SDK2: variants seen among roughly 807,000 people sequenced by gnomAD.
SDK2 encodes the protein protein sidekick-2.
Under a neutral mutation model 253.9 loss-of-function variants are expected in SDK2, and 105 were observed. The observed-to-expected ratio is 0.41, with a 90% CI of 0.35 to 0.49. The LOEUF (loss-of-function observed/expected upper bound fraction) is 0.49, where lower values mean the gene tolerates loss of function less well. Ranked by LOEUF, SDK2 falls within the 20% of genes least tolerant of loss-of-function variation. SDK2 has a pLI of 0.06. For synonymous variants in SDK2, 1,249 were observed against 1,234.9 expected, an observed-to-expected ratio of 1.01 and a Z score of -0.24; for missense variants, 2,608 against 3,003.0, an observed-to-expected ratio of 0.87 and a Z score of 3.07.
chr17:73,485,016 A>C (rs2063761072), intron 2 of SDK2, among the ~76,000 whole-genome samples: 1 of 152,088 alleles, frequency 6.6e-6, no homozygotes, highest in African/African-American at 2.4e-5. Context: ...GTCTAGTATG[A>C]CCTCAGCTGA....
chr17:73,391,577 T>G, intron 27 of SDK2, 39 bp from the exon 28 acceptor site: 1 of 1,156,296 alleles, frequency 8.6e-7, no homozygotes, highest in Middle Eastern at 2.4e-4. Flanking sequence ...CCCATGAGGC[T>G]GCCGCTCAGC....
chr17:73,338,289 C>T lies in SDK2; in HGVS notation c.*298G>A, dbSNP rs916339988. On this transcript the variant is annotated 3_prime_UTR_variant, in exon 45 of 45. Transcript: ENST00000392650. This position sits in a 1 kb window ranked among gnomAD's most constrained non-coding sequence, Gnocchi z 5.0. Reference sequence around the variant, plus strand: ...TCCCTCTCTCTCTCCAGATGCCCGCCCCACTCCGTGTCCATAGCAGTGACA... The same window carrying T: ...TCCCTCTCTCTCTCCAGATGCCCGCTCCACTCCGTGTCCATAGCAGTGACA... 7.2e-6 allele frequency: 4 copies of T among 555,572 alleles called. No homozygotes were observed. Among genetic ancestry groups the T allele is most frequent in the Non-Finnish European group, 1.4e-5 (4 of 292,532 alleles). The allele number at this position is 555,572 out of a possible 1,614,324, so 34.4% of individuals were successfully genotyped here.
rs750021124 is a variant in SDK2 at position 73,415,936 on chromosome 17, T to C, written c.2243A>G (p.Asp748Gly). 2.5e-6 allele frequency: 4 copies of C among 1,611,328 alleles called. No individual in the cohort carries two copies. In the African/African-American group the frequency reaches 5.3e-5, roughly 22 times the overall value. ...ATCCTCCAGCAGCAGGTTGTTCACATCAGCATCCGTGATGTTCTTAAACTG... is the reference window on the plus strand; with the variant it reads ...ATCCTCCAGCAGCAGGTTGTTCACACCAGCATCCGTGATGTTCTTAAACTG... ...GYQFKNITDADVNNLLLEDLI... is the reference protein window; with the variant it reads ...GYQFKNITDAGVNNLLLEDLI... Residue 748 changes from aspartate to glycine, a missense_variant, in exon 17 of 45, where the codon GAT (aspartate) becomes GGT (glycine). Asp to Gly is a moderately conservative substitution (Grantham distance 94, BLOSUM62 -1). Around this residue, in one of 2 missense-constraint regions of SDK2, gnomAD observed 1,505 missense variants for 1,859.1 expected, o/e 0.81. Transcript: ENST00000392650.
At chr17:73,390,908 C>G (rs771662979) in intron 28 of SDK2, among the ~76,000 whole-genome samples, 1 of 152,170 alleles carries the variant, frequency 6.6e-6, no homozygotes, top group African/African-American at 2.4e-5. Flanking sequence ...GACTGAGAAC[C>G]CTGGGACAGG....
chr17:73,568,888 T>C (rs35113413), intron 1 of SDK2, among the ~76,000 whole-genome samples: 18,131 of 152,178 alleles, frequency 0.12, 1,210 homozygotes, highest in South Asian at 0.18. Context: ...TCATGTACTT[T>C]TGTGATACAT....
chr17:73,437,882 G>C (rs2145624941), intron 7 of SDK2, 60 bp from the exon 8 acceptor site: 1 of 1,608,036 alleles, frequency 6.2e-7, no homozygotes, highest in East Asian at 2.2e-5. Context: ...TCCAGCCACT[G>C]TAGGGGGTCA....
chr17:73,399,342 T>C (rs2063002003), intron 21 of SDK2, 53 bp from the exon 22 acceptor site: 2 of 1,605,728 alleles, frequency 1.2e-6, no homozygotes, highest in East Asian at 2.2e-5. Flanking sequence ...TGGCCCCCCA[T>C]GTTGAACGGG....
Position 73,387,943 on chromosome 17 carries a change from G to T in SDK2, c.4287C>A (p.Leu1429=). ...LLSWEPGSDG[L]SPVRYYTIQT... ...GGATGGTGTAGTAGCGCACAGGGGA[G>T]AGCCCGTCGCTCCCTGGCTCCCAGG... The change falls in exon 30 of 45, where the codon CTC becomes CTA. Residue 1429 remains leucine (L), a synonymous_variant. Transcript: ENST00000392650. The T allele has an allele frequency of 6.3e-7, 1 of 1,580,438 alleles. No homozygotes were observed. Among genetic ancestry groups the T allele is most frequent in the Non-Finnish European group, 8.6e-7 (1 of 1,164,044 alleles).
rs771983427 is a variant in SDK2, at chr17:73,386,563, C to G, written c.4395-15G>C. ...AGGGCTTCAGCCTGTAGGGAGAAAT[C>G]AGGGCCAATGAGCCAAGGTGCTCCT... On this transcript the variant is annotated splice_polypyrimidine_tract_variant and intron_variant, in intron 30 of 44. Transcript: ENST00000392650. 2 of 1,535,548 alleles carry G rather than the reference C, an allele frequency of 1.3e-6. No homozygotes were observed. Among genetic ancestry groups the G allele is most frequent in the African/African-American group, 2.7e-5 (2 of 72,788 alleles).
intron 4 of SDK2, among the ~76,000 whole-genome samples, chr17:73,450,102 T>C (rs149298505): frequency 6.6e-6 from 1 of 152,258 alleles, no homozygotes; most frequent in African/African-American, 2.4e-5. Flanking sequence ...CTGCAGGGAC[T>C]TGTCCTTAGG....
intron 1 of SDK2, among the ~76,000 whole-genome samples, chr17:73,601,026 T>C (rs1033548609): frequency 6.6e-6 from 1 of 151,824 alleles, no homozygotes; most frequent in Non-Finnish European, 1.5e-5. Context: ...AAAAAAATTT[T>C]TTTTTTTTTT....
chr17:73,619,576 T>C (rs1016269043), intron 1 of SDK2, among the ~76,000 whole-genome samples: 1 of 151,990 alleles, frequency 6.6e-6, no homozygotes, highest in African/African-American at 2.4e-5. Context: ...TCACATCATA[T>C]ACAAAAAGGA....
At chr17:73,546,171 G>A (rs191274624) in intron 1 of SDK2, among the ~76,000 whole-genome samples, 198 of 152,282 alleles carry the variant, frequency 1.3e-3, no homozygotes, top group Non-Finnish European at 2.3e-3. Flanking sequence ...TGCCCCCTCC[G>A]CCTTTCTCCC....
chr17:73,344,019 C>T (rs1471524899), intron 44 of SDK2, among the ~76,000 whole-genome samples: 2 of 152,122 alleles, frequency 1.3e-5, no homozygotes, highest in Non-Finnish European at 2.9e-5. Context: ...TTCCGCCTGT[C>T]CCCTGGATGC....
chr17:73,633,129 A>G (rs916526808), intron 1 of SDK2, among the ~76,000 whole-genome samples: 1 of 152,104 alleles, frequency 6.6e-6, no homozygotes, highest in Non-Finnish European at 1.5e-5. Flanking sequence ...CAAAAAAAAT[A>G]AAATGATTAG....
chr17:73,383,384 A>G lies in SDK2; in HGVS notation c.4705+492T>C, dbSNP rs1185768779. ...AGGCAGGGCAGTGGCTTCCCCCAGGAAAAAGAGGGGGCCAGGACTACTGCT... is the reference window on the plus strand; with the variant it reads ...AGGCAGGGCAGTGGCTTCCCCCAGGGAAAAGAGGGGGCCAGGACTACTGCT... On this transcript the variant is annotated intron_variant, in intron 33 of 44. Transcript: ENST00000392650. This position sits in a 1 kb window ranked among gnomAD's most constrained non-coding sequence, Gnocchi z 4.3. Among the ~76,000 whole-genome samples the G allele has an allele frequency of 2.6e-5, 4 of 152,206 alleles. No homozygotes were observed. The highest frequency in any genetic ancestry group is 5.9e-5 in the Non-Finnish European group (4 of 68,036).
chr17:73,524,831 G>A (rs563059234), intron 1 of SDK2, among the ~76,000 whole-genome samples: 2 of 152,388 alleles, frequency 1.3e-5, no homozygotes, highest in East Asian at 3.9e-4. Context: ...TACAATGCAT[G>A]AAGCGGTTTG....
rs568171130 is a variant in SDK2, at chr17:73,585,956, A to AAT, written c.64+58067_64+58068dup. ...ATCCATACATATGTGTGTCCTAGGA[A>AAT]ATATATATATAGGATGTACTCGGAA... On this transcript the variant is annotated intron_variant, in intron 1 of 44. Coordinates refer to ENST00000392650, the MANE Select transcript of SDK2 (RefSeq NM_001144952.2). Among the ~76,000 whole-genome samples the AAT allele has an allele frequency of 2.6e-5, 4 of 152,232 alleles. No homozygotes were observed. The East Asian group carries it at 5.8e-4, about 22-fold the overall frequency.
At chr17:73,597,465 T>A (rs2045775617) in intron 1 of SDK2, among the ~76,000 whole-genome samples, 1 of 152,230 alleles carries the variant, frequency 6.6e-6, no homozygotes, top group Non-Finnish European at 1.5e-5. Context: ...TGGACGTATC[T>A]GTCTGGAATA....
Sources: allele counts gnomAD v4.1 joint callset (sites outside exome capture counted in the v4.1 genomes callset), GRCh38; gene constraint gnomAD v4.1.1; regional missense constraint gnomAD v4.1.1; non-coding constraint Gnocchi (gnomAD v3.1); transcripts MANE v1.5; gene names NCBI Gene and HGNC (gene_info 2026-07-23, HGNC 2026-07-21).